CRACD: variants seen among roughly 807,000 people sequenced by gnomAD.
CRACD encodes the protein capping protein inhibiting regulator of actin dynamics, also known as capping protein-inhibiting regulator of actin dynamics.
CRACD carries 56 observed loss-of-function variants against 106.8 expected under a neutral mutation model. That is an observed-to-expected ratio of 0.52 (90% confidence interval 0.42 to 0.66). The LOEUF is 0.66. CRACD is among the 30% of genes least tolerant of loss of function. CRACD has a pLI of 0.00. For synonymous variants in CRACD, 754 were observed against 670.8 expected, an observed-to-expected ratio of 1.12 and a Z score of -1.92; for missense variants, 1,730 against 1,623.2, an observed-to-expected ratio of 1.07 and a Z score of -1.13.
At chr4:56,104,408 C>T (rs1036784695) in intron 1 of CRACD, among the ~76,000 whole-genome samples, 1 of 134,686 alleles carries the variant, frequency 7.4e-6, no homozygotes, top group Non-Finnish European at 1.7e-5. Context: ...AAAACAAACA[C>T]AAAAAAACAA....
intron 1 of CRACD, among the ~76,000 whole-genome samples, chr4:56,077,276 A>T (rs35786306): frequency 0.36 from 53,936 of 151,846 alleles, 10,068 homozygotes; most frequent in African/African-American, 0.47. Context: ...CCAGATGCTT[A>T]TAAAACCATC....
chr4:56,050,471 G>A (rs1030883885), intron 1 of CRACD, among the ~76,000 whole-genome samples: 2 of 152,136 alleles, frequency 1.3e-5, no homozygotes, highest in African/African-American at 2.4e-5. Context: ...ATCACCTATA[G>A]TAATTGTGGA....
intron 2 of CRACD, among the ~76,000 whole-genome samples, chr4:56,219,472 C>T (rs920287651): frequency 5.3e-5 from 8 of 152,088 alleles, no homozygotes; most frequent in Admixed American, 2.6e-4. Context: ...CTCAGCCTCC[C>T]GAGTAGCTGG....
At chr4:56,225,928 G>A (rs1482529245) in intron 2 of CRACD, among the ~76,000 whole-genome samples, 1 of 152,156 alleles carries the variant, frequency 6.6e-6, no homozygotes, top group African/African-American at 2.4e-5. Context: ...TTGCTGTAAG[G>A]CAGAATCCTA....
chr4:56,220,488 A>G (rs1007745354), intron 2 of CRACD, among the ~76,000 whole-genome samples: 1 of 152,190 alleles, frequency 6.6e-6, no homozygotes, highest in Non-Finnish European at 1.5e-5. Context: ...GAAGAACGGT[A>G]CAAGCCTCCC....
At chr4:56,273,785 G>A (rs1264813755) in intron 3 of CRACD, among the ~76,000 whole-genome samples, 1 of 152,126 alleles carries the variant, frequency 6.6e-6, no homozygotes, top group Non-Finnish European at 1.5e-5. Flanking sequence ...ATTCAGCCTT[G>A]TATTACGTGC....
intron 2 of CRACD, among the ~76,000 whole-genome samples, chr4:56,188,667 C>A (rs1255791689): frequency 1.1e-5 from 1 of 89,386 alleles, no homozygotes; most frequent in African/African-American, 6.2e-5. Flanking sequence ...ATTTCTCTCT[C>A]TCTCTCTCTC....
intron 1 of CRACD, among the ~76,000 whole-genome samples, chr4:56,107,372 G>A (rs997024296): frequency 2.0e-5 from 3 of 152,178 alleles, no homozygotes; most frequent in Admixed American, 1.3e-4. Flanking sequence ...GGCAGTGATA[G>A]TACCTACTTT....
intron 2 of CRACD, among the ~76,000 whole-genome samples, chr4:56,223,484 T>C (rs540174122): frequency 6.6e-6 from 1 of 152,290 alleles, no homozygotes; most frequent in East Asian, 1.9e-4. Flanking sequence ...AGTACTTTTA[T>C]GGTTTCATTT....
chr4:56,310,797 CCTT>C (rs1560531307), intron 6 of CRACD, 63 bp downstream of exon 6: 6 of 974,332 alleles, frequency 6.2e-6, no homozygotes, highest in East Asian at 2.6e-5. Context: ...CTTCCCCCCC[CCTT>C]TTTTTTTTTT....
intron 4 of CRACD, among the ~76,000 whole-genome samples, chr4:56,304,869 C>G (rs906925607): frequency 1.3e-5 from 2 of 151,938 alleles, no homozygotes; most frequent in Non-Finnish European, 2.9e-5. Context: ...TGGCAAAAAT[C>G]CTAATTAAAT....
chr4:56,221,175 G>C (rs1196879466), intron 2 of CRACD, among the ~76,000 whole-genome samples: 1 of 152,106 alleles, frequency 6.6e-6, no homozygotes, highest in African/African-American at 2.4e-5. Context: ...AGCATGATCA[G>C]ATCCGCATTT....
chr4:56,165,728 A>G (rs866273813), intron 1 of CRACD, among the ~76,000 whole-genome samples: 21 of 152,368 alleles, frequency 1.4e-4, no homozygotes, highest in Middle Eastern at 6.8e-3. Flanking sequence ...TTACCAAGAA[A>G]GAAATGCTAC....
intron 1 of CRACD, among the ~76,000 whole-genome samples, chr4:56,171,755 T>G (rs192656558): frequency 6.6e-6 from 1 of 152,214 alleles, no homozygotes; most frequent in Non-Finnish European, 1.5e-5. Context: ...TAGTAGAAAA[T>G]TATAAGATCT....
chr4:56,326,248 T>C (rs115858259), intron 10 of CRACD, among the ~76,000 whole-genome samples: 6 of 138,336 alleles, frequency 4.3e-5, no homozygotes, highest in Non-Finnish European at 7.9e-5. Context: ...TAGAATGCTG[T>C]GTAATTTCTT....
chr4:56,286,893 C>T (rs1231113406), intron 3 of CRACD, among the ~76,000 whole-genome samples: 1 of 152,156 alleles, frequency 6.6e-6, no homozygotes, highest in Non-Finnish European at 1.5e-5. Flanking sequence ...TTCACCTGAG[C>T]AAAGGTTACA....
chr4:56,193,140 C>T (rs967240938), intron 2 of CRACD, among the ~76,000 whole-genome samples: 50 of 152,258 alleles, frequency 3.3e-4, no homozygotes, highest in African/African-American at 1.1e-3. Flanking sequence ...TTTTACATGG[C>T]GGCAGGCAAG....
At chr4:56,312,659 C>T (rs1224925579) in intron 6 of CRACD, among the ~76,000 whole-genome samples, 1 of 152,170 alleles carries the variant, frequency 6.6e-6, no homozygotes, top group Non-Finnish European at 1.5e-5. Flanking sequence ...TGTGTAGGAG[C>T]TGAGGCATAT....
intron 1 of CRACD, among the ~76,000 whole-genome samples, chr4:56,066,720 A>G (rs1235379171): frequency 6.6e-6 from 1 of 152,130 alleles, no homozygotes; most frequent in Non-Finnish European, 1.5e-5. Context: ...AGAACCCTTT[A>G]GCTCTCCCCA....
Sources: allele counts gnomAD v4.1 joint callset (sites outside exome capture counted in the v4.1 genomes callset), GRCh38; gene constraint gnomAD v4.1.1; transcripts MANE v1.5; gene names NCBI Gene and HGNC (gene_info 2026-07-23, HGNC 2026-07-21).